The following PREX2 variants were observed in gnomAD, a reference collection of about 807,000 sequenced individuals.
PREX2 encodes phosphatidylinositol-3,4,5-trisphosphate dependent Rac exchange factor 2.
In PREX2, 107 loss-of-function variants were observed where a neutral mutation model predicts 203.2. The observed-to-expected ratio is 0.53, with a 90% CI of 0.45 to 0.62. The LOEUF is 0.62. PREX2 is among the 20% of genes least tolerant of loss of function. PREX2 has a pLI of 0.00. For synonymous variants in PREX2, 672 were observed against 663.6 expected (o/e 1.01, Z -0.19); for missense variants, 1,777 against 1,955.9 (o/e 0.91, Z 1.72).
intron 1 of PREX2, among the ~76,000 whole-genome samples, chr8:68,008,857 G>A (rs751885898): frequency 1.2e-4 from 19 of 152,144 alleles, no homozygotes; most frequent in Non-Finnish European, 2.4e-4. Flanking sequence ...CCATGATTGT[G>A]AGCCCTCCCC....
chr8:68,193,508 C>T (rs1176185219), intron 37 of PREX2, among the ~76,000 whole-genome samples: 1 of 152,114 alleles, frequency 6.6e-6, no homozygotes, highest in Admixed American at 6.6e-5. Flanking sequence ...CAAAGGATTG[C>T]AGTCAGTGCT....
intron 8 of PREX2, among the ~76,000 whole-genome samples, chr8:68,050,344 G>C (rs995243893): frequency 6.6e-6 from 1 of 151,948 alleles, no homozygotes; most frequent in Non-Finnish European, 1.5e-5. Flanking sequence ...TGTGGCTGGG[G>C]AGGCCCCAGG....
At chr8:68,127,447 A>G (rs1270458710) in intron 31 of PREX2, 28 bp downstream of exon 31, 9 of 1,508,728 alleles carry the variant, frequency 6.0e-6, no homozygotes, top group Non-Finnish European at 8.3e-6. Context: ...ATTTTTTTTT[A>G]CTATTTAAGT....
At chr8:67,957,980 T>G (rs10957404) in intron 1 of PREX2, among the ~76,000 whole-genome samples, 65,596 of 151,978 alleles carry the variant, frequency 0.43, 14,715 homozygotes, top group East Asian at 0.61. Flanking sequence ...AGAGATACTG[T>G]GGTGTACAGA....
Position 67,953,722 on chromosome 8 carries a change from GT to G in PREX2, c.141+1189del, listed in dbSNP as rs578100588. 3.3e-5 allele frequency among the ~76,000 whole-genome samples: 5 copies of G among 152,294 alleles called. No homozygotes were observed. In the South Asian group the frequency reaches 1.0e-3, roughly 32 times the overall value. On this transcript the variant is annotated intron_variant, in intron 1 of 39. Transcript: ENST00000288368. ...AAGTGATGTAAAATGTACAGGCTGC[GT>G]TATGGTTGACTTCTCAAAATCAATA...
intron 1 of PREX2, among the ~76,000 whole-genome samples, chr8:68,009,641 T>G (rs1807206654): frequency 6.6e-6 from 1 of 152,138 alleles, no homozygotes; most frequent in Admixed American, 6.5e-5. Flanking sequence ...AGAAAAATGG[T>G]GGGATATTTG....
At chr8:68,118,172 G>C (rs952547234) in intron 26 of PREX2, among the ~76,000 whole-genome samples, 7 of 152,188 alleles carry the variant, frequency 4.6e-5, no homozygotes, top group African/African-American at 1.7e-4. Flanking sequence ...TGGCTAACAT[G>C]GTGAAACCCT....
At chr8:68,112,493 ATGGTGGTGGTGG>A in intron 25 of PREX2, among the ~76,000 whole-genome samples, 1 of 151,150 alleles carries the variant, frequency 6.6e-6, no homozygotes, top group East Asian at 2.0e-4. Context: ...ACAGATAGGA[ATGGTGGTGGTGG>A]TGGTGGTGGT....
rs2129612369 is a variant in PREX2, at chr8:68,093,722, G to A, written c.2368G>A (p.Glu790Lys). Residue 790 changes from glutamate to lysine, a missense_variant and splice_region_variant, in exon 21 of 40, where the codon GAG (glutamate) becomes AAG (lysine). Coordinates refer to ENST00000288368, the MANE Select transcript of PREX2 (RefSeq NM_024870.4). Reference sequence around the variant, plus strand: ...GGATGCTTTTGACTGTAAAGTAGAAGGTAGGTTTCTTATTTTCTTCTTCAT... The same window carrying A: ...GGATGCTTTTGACTGTAAAGTAGAAAGTAGGTTTCTTATTTTCTTCTTCAT... The part of the protein sequence containing the change: ...AGDAFDCKVE[E>K]VIDKFNTMAI... 2 of 1,504,926 alleles carry A rather than the reference G, an allele frequency of 1.3e-6. No individual in the cohort carries two copies. The highest frequency in any genetic ancestry group is 1.8e-6 in the Non-Finnish European group (2 of 1,086,066). 93.2% of individuals were successfully genotyped at this position (1,504,926 alleles called of 1,614,324 possible).
chr8:68,038,451 T>C (rs1052774195), intron 7 of PREX2, among the ~76,000 whole-genome samples, 159 bp downstream of exon 7: 1 of 152,122 alleles, frequency 6.6e-6, no homozygotes, highest in African/African-American at 2.4e-5. Flanking sequence ...ATATATTCAG[T>C]CTGCTCACTG....
At chr8:68,022,282 T>C (rs1057346200) in intron 4 of PREX2, 142 bp downstream of exon 4, 4 of 573,314 alleles carry the variant, frequency 7.0e-6, no homozygotes, top group South Asian at 6.4e-5. Flanking sequence ...AGTCCTTTGA[T>C]GAAAATAAAA....
intron 1 of PREX2, among the ~76,000 whole-genome samples, chr8:67,994,593 T>C (rs1201988736): frequency 6.6e-6 from 1 of 152,184 alleles, no homozygotes; most frequent in East Asian, 1.9e-4. Context: ...AAAAGAACAG[T>C]GGAGAAAAGA....
chr8:68,183,123 G>A (rs773688564), intron 35 of PREX2, among the ~76,000 whole-genome samples: 13 of 151,912 alleles, frequency 8.6e-5, no homozygotes, highest in African/African-American at 1.2e-4. Context: ...TTTTGGCACC[G>A]GAGAAATTTA....
chr8:67,989,288 TC>T (rs1806529035), intron 1 of PREX2, among the ~76,000 whole-genome samples: 1 of 152,202 alleles, frequency 6.6e-6, no homozygotes. Flanking sequence ...AATAGTTTTT[TC>T]GAATTAAATA....
intron 6 of PREX2, among the ~76,000 whole-genome samples, chr8:68,034,858 G>A (rs371353140): frequency 1.3e-5 from 2 of 152,052 alleles, no homozygotes; most frequent in Non-Finnish European, 2.9e-5. Context: ...TCTGTACGAG[G>A]TGATTTGGCA....
chr8:68,111,397 T>G (rs1466381304), intron 25 of PREX2, among the ~76,000 whole-genome samples: 3 of 148,706 alleles, frequency 2.0e-5, no homozygotes, highest in Non-Finnish European at 4.5e-5. Flanking sequence ...ATTTATTGAC[T>G]TTTTTTTTTA....
At chr8:68,113,477 A>G (rs1415390050) in intron 25 of PREX2, among the ~76,000 whole-genome samples, 1 of 152,212 alleles carries the variant, frequency 6.6e-6, no homozygotes, top group Non-Finnish European at 1.5e-5. Context: ...GAGAGGGTGA[A>G]TAAATAGACA....
chr8:67,988,536 G>A (rs1436953933), intron 1 of PREX2, among the ~76,000 whole-genome samples: 1 of 152,112 alleles, frequency 6.6e-6, no homozygotes, highest in Non-Finnish European at 1.5e-5. Flanking sequence ...TGGAAGCTCA[G>A]GTCTACCTGA....
At chr8:68,175,227 C>T (rs1373562279) in intron 35 of PREX2, among the ~76,000 whole-genome samples, 4 of 152,054 alleles carry the variant, frequency 2.6e-5, no homozygotes, top group African/African-American at 9.7e-5. Flanking sequence ...AGAGAGAAAA[C>T]AATACAATCC....
Sources: allele counts gnomAD v4.1 joint callset (sites outside exome capture counted in the v4.1 genomes callset), GRCh38; gene constraint gnomAD v4.1.1; transcripts MANE v1.5; gene names NCBI Gene and HGNC (gene_info 2026-07-23, HGNC 2026-07-21).